Variants in PLCD4 observed in about 807,000 individuals in gnomAD.
PLCD4 encodes phospholipase C delta 4.
A neutral mutation model predicts 90.2 loss-of-function variants in PLCD4; 63 were observed. The ratio of observed to expected loss-of-function variants is 0.70; its 90% CI spans 0.57 to 0.86. PLCD4 has a LOEUF of 0.86. PLCD4 is among the 40% of genes least tolerant of loss of function. PLCD4 has a pLI of 0.00. For missense variants in PLCD4, 830 were observed against 956.3 expected (o/e 0.87, Z 1.74); for synonymous variants, 294 against 356.5 (o/e 0.82, Z 1.97).
rs1452736754 is a variant in PLCD4, at chr2:218,628,172, A to T, written c.916A>T (p.Asn306Tyr). ...CCACTACTTCATCTGCTCTTCTCAT[A>T]ACACCTACCTAGTGGGGGACCAGCT... ...LNHYFICSSH[N>Y]TYLVGDQLCG... The change falls in exon 7 of 16, where the codon AAC becomes TAC. Residue 306 changes from asparagine to tyrosine, a missense_variant. By Grantham distance (143) the Asn-to-Tyr change is moderately radical (BLOSUM62 -2). Transcript: ENST00000450993. 1 of 1,614,000 alleles carries T rather than the reference A, an allele frequency of 6.2e-7. No individual in the cohort carries two copies. The highest frequency in any genetic ancestry group is 1.1e-5 in the South Asian group (1 of 91,076).
chr2:218,610,900 G>T (rs192905525), intron 1 of PLCD4, among the ~76,000 whole-genome samples: 4 of 152,166 alleles, frequency 2.6e-5, no homozygotes, highest in Admixed American at 2.6e-4. Context: ...GCTAATTTTT[G>T]TATTTTTAGT....
In PLCD4 at chr2:218,628,056, A is replaced by C. The variant is rs1489967752; in HGVS notation, c.800A>C (p.Asp267Ala). The C allele has an allele frequency of 2.5e-6, 4 of 1,613,874 alleles. No homozygotes were observed. Among genetic ancestry groups the C allele is most frequent in the Non-Finnish European group, 3.4e-6 (4 of 1,179,852 alleles). Reference protein sequence around the residue: ...SGKLRHVLSMDGFLSYLCSKD... With the variant: ...SGKLRHVLSMAGFLSYLCSKD... The stretch of plus-strand genomic sequence containing the variant: ...AAACTGCGGCATGTGCTGAGTATGG[A>C]TGGCTTCCTCAGCTACCTCTGCTCT... The change falls in exon 7 of 16, where the codon GAT (aspartate) becomes GCT (alanine). Residue 267 changes from aspartate to alanine, a missense_variant. Coordinates refer to ENST00000450993, the MANE Select transcript of PLCD4 (RefSeq NM_032726.4).
chr2:218,630,146 C>T (rs904176090), intron 8 of PLCD4, among the ~76,000 whole-genome samples: 1 of 152,192 alleles, frequency 6.6e-6, no homozygotes, highest in Non-Finnish European at 1.5e-5. Flanking sequence ...CCAGTGCACT[C>T]CAGCCTGGGC....
At chr2:218,629,348 G>A (rs979982247) in intron 7 of PLCD4, 171 bp from the exon 8 acceptor site, 3 of 702,230 alleles carry the variant, frequency 4.3e-6, no homozygotes, top group East Asian at 5.5e-5. Flanking sequence ...ATCAGCGTGA[G>A]CTTGCAGCAG....
Position 218,636,978 on chromosome 2 carries a change from T to C in PLCD4, c.*401T>C, listed in dbSNP as rs1696801162. On this transcript the variant is annotated 3_prime_UTR_variant, in exon 16 of 16. Coordinates refer to ENST00000450993, the MANE Select transcript of PLCD4 (RefSeq NM_032726.4). ...AGAAACCTAAAGAAGCATCATCCCCTCCATCCCCAACTTCCTCAAAGCCCA... is the reference window on the plus strand; with the variant it reads ...AGAAACCTAAAGAAGCATCATCCCCCCCATCCCCAACTTCCTCAAAGCCCA... The C allele has an allele frequency of 4.4e-6, 2 of 452,130 alleles. No homozygotes were observed. The highest frequency in any genetic ancestry group is 4.0e-5 in the African/African-American group (2 of 49,812). 28.0% of individuals were successfully genotyped at this position (452,130 alleles called of 1,614,324 possible).
In PLCD4 at chr2:218,634,374, G is replaced by A. The variant is rs1168483332; in HGVS notation, c.1724-84G>A. ...ATTACCAGCAGGTACCGTGCACCCA[G>A]TACCTATCTTCTTAACTCCCTGAAA... On this transcript the variant is annotated intron_variant, in intron 12 of 15. Transcript: ENST00000450993. This position sits in a 1 kb window ranked among gnomAD's most constrained non-coding sequence, Gnocchi z 4.0. 2.5e-6 allele frequency: 4 copies of A among 1,574,168 alleles called. No homozygotes were observed. The Admixed American group carries it at 7.1e-5, about 28-fold the overall frequency.
intron 9 of PLCD4, among the ~76,000 whole-genome samples, chr2:218,631,611 A>G (rs1340301240): frequency 6.6e-6 from 1 of 152,072 alleles, no homozygotes; most frequent in African/African-American, 2.4e-5. Flanking sequence ...CCTGGCCAAC[A>G]TAGTGAAAAC....
chr2:218,622,567 TA>T (rs965387669), intron 5 of PLCD4, 79 bp from the exon 6 acceptor site: 344 of 1,033,250 alleles, frequency 3.3e-4, no homozygotes, highest in African/African-American at 2.0e-3. Context: ...CAGAAAAATT[TA>T]AAAAAAAATT....
chr2:218,617,261 G>A (rs978114490), intron 3 of PLCD4, among the ~76,000 whole-genome samples: 1 of 146,240 alleles, frequency 6.8e-6, no homozygotes, highest in African/African-American at 2.5e-5. Flanking sequence ...ACTGCACCCG[G>A]CCTATAATAA....
Position 218,622,661 on chromosome 2 carries a change from C to T in PLCD4, c.555C>T (p.Ser185=). ...CTCTCTTGCAGGCAGCAGACACGTC[C>T]CAGTCTGGAACCCTGGAAGGAGAAG... ...AFSLFQAADT[S]QSGTLEGEEF... Residue 185 remains serine, a synonymous_variant, in exon 6 of 16, where the codon TCC becomes TCT. Coordinates refer to ENST00000450993, the MANE Select transcript of PLCD4 (RefSeq NM_032726.4). The T allele has an allele frequency of 6.2e-7, 1 of 1,613,508 alleles. No homozygotes were observed. The highest frequency in any genetic ancestry group is 8.5e-7 in the Non-Finnish European group (1 of 1,179,516).
At chr2:218,621,687 A>G in intron 5 of PLCD4, 88 bp downstream of exon 5, 2 of 1,513,600 alleles carry the variant, frequency 1.3e-6, no homozygotes, top group Non-Finnish European at 9.1e-7. Context: ...CACAACACTC[A>G]ATTGTTAAAT....
intron 6 of PLCD4, among the ~76,000 whole-genome samples, chr2:218,627,573 C>T (rs1447385753): frequency 2.0e-5 from 3 of 151,716 alleles, no homozygotes; most frequent in Non-Finnish European, 2.9e-5. Flanking sequence ...AGTGCAGTGG[C>T]GCGATCTGGG....
intron 6 of PLCD4, among the ~76,000 whole-genome samples, chr2:218,623,411 A>G (rs531245360): frequency 4.6e-5 from 7 of 152,332 alleles, no homozygotes; most frequent in African/African-American, 1.7e-4. Flanking sequence ...TAAGGAGGCC[A>G]GTTATTTAGC....
chr2:218,616,146 G>A (rs564701371), intron 3 of PLCD4, 84 bp downstream of exon 3: 10 of 1,473,588 alleles, frequency 6.8e-6, no homozygotes, highest in African/African-American at 4.1e-5. Context: ...AAAGTCCTAC[G>A]ATAGTGTGTG....
Position 218,608,695 on chromosome 2 carries a change from T to C in PLCD4, c.-34+625T>C, listed in dbSNP as rs573617027. Among the ~76,000 whole-genome samples the C allele has an allele frequency of 3.7e-3, 556 of 152,292 alleles. 4 individuals are homozygous for C. Among genetic ancestry groups the C allele is most frequent in the Non-Finnish European group, 6.0e-3 (409 of 68,026 alleles). On this transcript the variant is annotated intron_variant, in intron 1 of 15. Coordinates refer to ENST00000450993, the MANE Select transcript of PLCD4 (RefSeq NM_032726.4). ...TTAGGGTTTCCCAGACTTGCCTGTG[T>C]ACCAAGTGTACTTGTTAAAAATAAA...
At chr2:218,613,822 C>G (rs2106119358) in intron 1 of PLCD4, among the ~76,000 whole-genome samples, 1 of 152,298 alleles carries the variant, frequency 6.6e-6, no homozygotes, top group East Asian at 1.9e-4. Context: ...CCTCTTCAAC[C>G]TCTCAAAGTG....
intron 3 of PLCD4, among the ~76,000 whole-genome samples, chr2:218,616,983 G>C (rs1444360057): frequency 9.8e-6 from 1 of 101,552 alleles, no homozygotes; most frequent in Non-Finnish European, 2.0e-5. Context: ...GAGAGAGAGA[G>C]AGATGGAGTC....
chr2:218,629,183 T>A (rs1290916652), intron 7 of PLCD4: 2 of 207,966 alleles, frequency 9.6e-6, no homozygotes, highest in African/African-American at 4.4e-5. Context: ...ACCACTGCAC[T>A]CTAGCCTGGG....
At chr2:218,627,482 A>T (rs1371942040) in intron 6 of PLCD4, among the ~76,000 whole-genome samples, 1 of 151,866 alleles carries the variant, frequency 6.6e-6, no homozygotes, top group African/African-American at 2.4e-5. Context: ...TTATCTCATC[A>T]TAGGAAGTTC....
Sources: gnomAD v4.1 joint callset for allele counts (sites outside exome capture counted in the v4.1 genomes callset) on GRCh38, gnomAD v4.1.1 for gene constraint, Gnocchi (gnomAD v3.1) non-coding constraint, MANE v1.5 for transcripts, NCBI Gene and HGNC (gene_info 2026-07-23, HGNC 2026-07-21) for gene names.